The following TNPO1 variants were observed in gnomAD, a reference collection of about 807,000 sequenced individuals.
TNPO1 encodes the protein transportin 1, also known as transportin-1.
A neutral mutation model predicts 119.5 loss-of-function variants in TNPO1; 8 were observed. That is an observed-to-expected ratio of 0.07 (90% confidence interval 0.04 to 0.12). The LOEUF (loss-of-function observed/expected upper bound fraction) is 0.12. Ranked by LOEUF, TNPO1 falls within the 10% of genes least tolerant of loss-of-function variation. TNPO1 has a pLI of 1.00. For missense variants in TNPO1, 576 were observed against 1,089.8 expected (o/e 0.53, Z 6.64); for synonymous variants, 362 against 363.0 (o/e 1.00, Z 0.03).
At chr5:72,851,492 C>CT (rs1228622495) in intron 3 of TNPO1, among the ~76,000 whole-genome samples, 173 bp downstream of exon 3, 13 of 151,762 alleles carry the variant, frequency 8.6e-5, no homozygotes, top group Admixed American at 2.0e-4. Context: ...ATAAGAATTC[C>CT]TTTTTTTTAA....
At chr5:72,906,385 G>A (rs1250456005) in intron 24 of TNPO1, among the ~76,000 whole-genome samples, 1 of 134,398 alleles carries the variant, frequency 7.4e-6, no homozygotes, top group Non-Finnish European at 1.5e-5. Flanking sequence ...TCCGCCTCTT[G>A]GGTTCAAGCA....
chr5:72,895,604 A>C (rs1285416832), intron 18 of TNPO1, among the ~76,000 whole-genome samples: 1 of 152,204 alleles, frequency 6.6e-6, no homozygotes, highest in African/African-American at 2.4e-5. Flanking sequence ...TGCTGAGATC[A>C]AGAAACCCTG....
chr5:72,907,904 A>G (rs1750283419), intron 24 of TNPO1, among the ~76,000 whole-genome samples: 1 of 151,932 alleles, frequency 6.6e-6, no homozygotes, highest in Non-Finnish European at 1.5e-5. Context: ...AAAGAAAAAA[A>G]TGAGCTGGGC....
intron 1 of TNPO1, among the ~76,000 whole-genome samples, chr5:72,828,275 A>G (rs1295795382): frequency 2.0e-5 from 3 of 152,182 alleles, no homozygotes; most frequent in Admixed American, 6.5e-5. Flanking sequence ...AGTGGAGTAC[A>G]ATGGGAGACA....
chr5:72,897,533 G>T (rs970805853), intron 20 of TNPO1, among the ~76,000 whole-genome samples: 2 of 151,656 alleles, frequency 1.3e-5, no homozygotes, highest in Non-Finnish European at 2.9e-5. Flanking sequence ...AGATTCAGTG[G>T]CAAATTGGTT....
rs375720147 is a variant in TNPO1, at chr5:72,879,045, A to G, written c.920+1699A>G. ...TGTTCTTTGTTTTATGTACATAAGC[A>G]CATCTCTTGCCCAAAGAGAATTCTG... On this transcript the variant is annotated intron_variant, in intron 9 of 24. Coordinates refer to ENST00000337273, the MANE Select transcript of TNPO1 (RefSeq NM_002270.4). 11 of 315,980 alleles carry G rather than the reference A, an allele frequency of 3.5e-5. No homozygotes were observed. In the East Asian group the frequency reaches 9.3e-4, roughly 27 times the overall value. 19.6% of individuals were successfully genotyped at this position (315,980 alleles called of 1,614,324 possible). A position where few individuals can be genotyped will look rare whatever the true frequency, so the allele number is the denominator to read the frequency against.
intron 5 of TNPO1, among the ~76,000 whole-genome samples, chr5:72,863,389 A>G (rs1170768814): frequency 6.6e-6 from 1 of 152,114 alleles, no homozygotes; most frequent in African/African-American, 2.4e-5. Context: ...GGTGGATTGC[A>G]TGAGTTCAAG....
In TNPO1 at chr5:72,848,334, A is replaced by G. The variant is rs776301231; in HGVS notation, c.16-51A>G. On this transcript the variant is annotated intron_variant, in intron 1 of 24. Transcript: ENST00000337273. ...GCGCGGGAAGCCTCTGGGCCTGTGC[A>G]CCGGGAGTAACAGTTGCTCCGTCTC... 12 of 1,558,042 alleles carry G rather than the reference A, an allele frequency of 7.7e-6. No homozygotes were observed. The Admixed American group carries it at 1.1e-4, about 14-fold the overall frequency.
chr5:72,893,908 C>T (rs1749236587), intron 18 of TNPO1, among the ~76,000 whole-genome samples: 1 of 152,134 alleles, frequency 6.6e-6, no homozygotes, highest in African/African-American at 2.4e-5. Context: ...ATCATCTCAG[C>T]TTTTTAGGTA....
At chr5:72,857,680 A>G (rs886957411) in intron 4 of TNPO1, among the ~76,000 whole-genome samples, 1 of 152,232 alleles carries the variant, frequency 6.6e-6, no homozygotes, top group Admixed American at 6.5e-5. Flanking sequence ...CTCAGCTGAA[A>G]GGAAAGGAGA....
intron 4 of TNPO1, among the ~76,000 whole-genome samples, chr5:72,859,694 A>G (rs960503026): frequency 3.3e-5 from 5 of 152,332 alleles, no homozygotes; most frequent in East Asian, 3.8e-4. Flanking sequence ...TATTATTTCA[A>G]TGAATATTCT....
rs897379242 is a variant in TNPO1, at chr5:72,855,986, A to G, written c.355+63A>G. On this transcript the variant is annotated intron_variant, in intron 4 of 24. Coordinates refer to ENST00000337273, the MANE Select transcript of TNPO1 (RefSeq NM_002270.4). Reference sequence around the variant, plus strand: ...TAACTGGGTCATTTTTAGAGATGACAGATTATTTCCTTAGGAATTTTTGTC... The same window carrying G: ...TAACTGGGTCATTTTTAGAGATGACGGATTATTTCCTTAGGAATTTTTGTC... 3.6e-5 allele frequency: 54 copies of G among 1,515,250 alleles called. 1 individual carries two copies. In the South Asian group the frequency reaches 5.0e-4, roughly 14 times the overall value. 93.9% of individuals were successfully genotyped at this position (1,515,250 alleles called of 1,614,324 possible). A position where few individuals can be genotyped will look rare whatever the true frequency, so the allele number is the denominator to read the frequency against.
rs1749956589 is a variant in TNPO1 at position 72,903,886 on chromosome 5, G to A, written c.2589+103G>A. On this transcript the variant is annotated intron_variant, in intron 23 of 24. Transcript: ENST00000337273. ...TTTTTGTGAAAGTTAGGCTCTTCAA[G>A]TCAGTATTGATAGTTTACATATATA... 7.9e-5 allele frequency: 60 copies of A among 755,138 alleles called. 2 individuals carry two copies. In the South Asian group the frequency reaches 1.1e-3, roughly 14 times the overall value. The allele number at this position is 755,138 out of a possible 1,614,324, so 46.8% of individuals were successfully genotyped here.
chr5:72,889,361 A>G (rs1748887272), intron 13 of TNPO1, among the ~76,000 whole-genome samples: 1 of 152,060 alleles, frequency 6.6e-6, no homozygotes, highest in African/African-American at 2.4e-5. Context: ...CCTGGCAGGG[A>G]TAGTAAATTT....
At chr5:72,882,912 TC>T (rs1748353453) in intron 10 of TNPO1, 151 bp from the exon 11 acceptor site, 2 of 648,734 alleles carry the variant, frequency 3.1e-6, no homozygotes, top group Non-Finnish European at 5.5e-6. Flanking sequence ...AGGAATATGT[TC>T]TGTACATGGG....
At chr5:72,883,324 A>C in intron 11 of TNPO1, 92 bp downstream of exon 11, 1 of 667,596 alleles carries the variant, frequency 1.5e-6, no homozygotes, top group South Asian at 1.8e-5. Context: ...TACCCATTAA[A>C]GTATACATTT....
At chr5:72,836,817 GCCTT>G (rs1261795965) in intron 1 of TNPO1, among the ~76,000 whole-genome samples, 1 of 152,114 alleles carries the variant, frequency 6.6e-6, no homozygotes, top group Non-Finnish European at 1.5e-5. Flanking sequence ...CTTAAGTCCT[GCCTT>G]CCACACAATG....
intron 11 of TNPO1, among the ~76,000 whole-genome samples, chr5:72,884,876 A>G (rs13358767): frequency 0.2 from 31,033 of 151,926 alleles, 4,016 homozygotes; most frequent in Middle Eastern, 0.29. Context: ...CAGCAGCACA[A>G]ACACAGTTGT....
intron 13 of TNPO1, among the ~76,000 whole-genome samples, 163 bp downstream of exon 13, chr5:72,888,466 GT>G (rs982476468): frequency 3.9e-5 from 6 of 152,294 alleles, no homozygotes; most frequent in African/African-American, 1.4e-4. Flanking sequence ...TTGGTGAAGT[GT>G]TTTGCAGGAT....
Sources: gnomAD v4.1 joint callset for allele counts (sites outside exome capture counted in the v4.1 genomes callset) on GRCh38, gnomAD v4.1.1 for gene constraint, MANE v1.5 for transcripts, NCBI Gene and HGNC (gene_info 2026-07-23, HGNC 2026-07-21) for gene names.